The following HEMGN variants were observed in gnomAD, a reference collection of about 807,000 sequenced individuals.
HEMGN encodes the protein hemogen.
A neutral mutation model predicts 45.7 loss-of-function variants in HEMGN; 32 were observed. That is an observed-to-expected ratio of 0.70 (90% CI 0.53 to 0.94). HEMGN has a LOEUF of 0.94. Among genes scored for constraint, HEMGN ranks in the 40% least tolerant of loss-of-function variants. The pLI is 0.00. For missense variants in HEMGN, 530 were observed against 564.2 expected, an observed-to-expected ratio of 0.94 and a Z score of 0.61; for synonymous variants, 183 against 178.6, an observed-to-expected ratio of 1.02 and a Z score of -0.20.
At chr9:97,932,927 GATATTA>G (rs1042987475) in intron 2 of HEMGN, among the ~76,000 whole-genome samples, 11 of 151,732 alleles carry the variant, frequency 7.2e-5, no homozygotes, top group Non-Finnish European at 1.6e-4. Context: ...TTTTGAAAAA[GATATTA>G]ATAGTAATCC....
chr9:97,932,527 C>T (rs1001987709), intron 2 of HEMGN, among the ~76,000 whole-genome samples: 2 of 152,012 alleles, frequency 1.3e-5, no homozygotes, highest in African/African-American at 2.4e-5. Context: ...AAATCTAGGC[C>T]GGGTGCGTTG....
At position 97,927,489 on chromosome 9, in the gene HEMGN, A is replaced by G. The variant is rs761855887; in HGVS notation, c.1361-11T>C. 6.5e-7 allele frequency: 1 copy of G among 1,526,942 alleles called. No individual in the cohort carries two copies. The highest frequency in any genetic ancestry group is 9.1e-7 in the Non-Finnish European group (1 of 1,104,352). The allele number at this position is 1,526,942 out of a possible 1,614,324, so 94.6% of individuals were successfully genotyped here. A position where few individuals can be genotyped will look rare whatever the true frequency, so the allele number is the denominator to read the frequency against. On this transcript the variant is annotated splice_polypyrimidine_tract_variant and intron_variant, in intron 3 of 3. Coordinates refer to ENST00000616898, the MANE Select transcript of HEMGN (RefSeq NM_197978.3). ...GTTTTTCTTTCATTTCTGTAAAATCAAATAAAATAAAAAATAGATTCAATA... is the reference window on the plus strand; with the variant it reads ...GTTTTTCTTTCATTTCTGTAAAATCGAATAAAATAAAAAATAGATTCAATA...
chr9:97,935,637 G>A (rs1462737651), intron 2 of HEMGN, among the ~76,000 whole-genome samples: 2 of 152,150 alleles, frequency 1.3e-5, no homozygotes, highest in South Asian at 2.1e-4. Flanking sequence ...ATTAGATGTC[G>A]CCTAATTTAC....
At chr9:97,931,764 A>C (rs951409346) in intron 2 of HEMGN, among the ~76,000 whole-genome samples, 4 of 152,338 alleles carry the variant, frequency 2.6e-5, no homozygotes, top group East Asian at 3.9e-4. Flanking sequence ...AAGTTGCTAC[A>C]GTATATATCA....
At position 97,931,112 on chromosome 9, in the gene HEMGN, C is replaced by T. The variant is rs1216787228; in HGVS notation, c.283G>A (p.Glu95Lys). 5.0e-6 allele frequency: 8 copies of T among 1,614,132 alleles called. No individual in the cohort carries two copies. Among genetic ancestry groups the T allele is most frequent in the Non-Finnish European group, 6.8e-6 (8 of 1,180,032 alleles). ...GGTGCCAGTGCTTTCTCCACTATTT[C>T]CTTTTCTATCTGTGGCTGAGGCTCC... ...KVEPQPQIEKEIVEKALAPIE... is the reference protein window; with the variant it reads ...KVEPQPQIEKKIVEKALAPIE... Residue 95 changes from glutamate to lysine, a missense_variant, in exon 3 of 4, where the codon GAA becomes AAA. Transcript: ENST00000616898.
chr9:97,939,223 C>G (rs890946813), upstream of HEMGN, among the ~76,000 whole-genome samples: 1 of 152,186 alleles, frequency 6.6e-6, no homozygotes, highest in African/African-American at 2.4e-5. Context: ...ATTTACCTAT[C>G]TATAACATGG....
intron 2 of HEMGN, among the ~76,000 whole-genome samples, chr9:97,935,874 A>G (rs188402264): frequency 8.5e-5 from 13 of 152,324 alleles, no homozygotes; most frequent in Middle Eastern, 6.8e-3. Flanking sequence ...TATATTACCT[A>G]GGAGCTAAAC....
chr9:97,937,804 A>G (rs1272473657), intron 1 of HEMGN, among the ~76,000 whole-genome samples: 1 of 152,182 alleles, frequency 6.6e-6, no homozygotes, highest in Non-Finnish European at 1.5e-5. Flanking sequence ...TCAAAAGAAT[A>G]AGCAGTATTA....
upstream of HEMGN, chr9:97,938,503 A>T (rs1383913255): frequency 2.3e-5 from 4 of 170,362 alleles, no homozygotes; most frequent in Non-Finnish European, 3.7e-5. Flanking sequence ...TTACAGATGG[A>T]GGTAGCCTAG....
At chr9:97,934,727 G>A (rs1587854233) in intron 2 of HEMGN, among the ~76,000 whole-genome samples, 1 of 152,208 alleles carries the variant, frequency 6.6e-6, no homozygotes, top group East Asian at 1.9e-4. Context: ...GGGCAAATAG[G>A]CTTGGGACAA....
chr9:97,938,191 G>C, upstream of HEMGN: 1 of 1,147,908 alleles, frequency 8.7e-7, no homozygotes, highest in South Asian at 1.3e-5. Context: ...CAGCCTAGAT[G>C]CTTTTTTAAA....
upstream of HEMGN, among the ~76,000 whole-genome samples, chr9:97,942,234 A>G (rs1827163235): frequency 6.6e-6 from 1 of 151,486 alleles, no homozygotes; most frequent in African/African-American, 2.4e-5. Context: ...AGTTCGCACC[A>G]GAAGCTGGGC....
upstream of HEMGN, among the ~76,000 whole-genome samples, chr9:97,938,987 T>C (rs1455702335): frequency 6.6e-6 from 1 of 152,066 alleles, no homozygotes; most frequent in Non-Finnish European, 1.5e-5. Flanking sequence ...AAAGGAACCA[T>C]CCTATCTCCA....
At chr9:97,928,058 G>T (rs1041396361) in intron 3 of HEMGN, among the ~76,000 whole-genome samples, 2 of 138,280 alleles carry the variant, frequency 1.4e-5, no homozygotes, top group Admixed American at 1.6e-4. Context: ...CCGGAGTCTC[G>T]CTCTGTCGCC....
chr9:97,927,540 C>T, intron 3 of HEMGN, 62 bp from the exon 4 acceptor site: 1 of 1,124,446 alleles, frequency 8.9e-7, no homozygotes, highest in East Asian at 2.4e-5. Context: ...ATTGACTCTC[C>T]ATTTGGAGGA....
chr9:97,937,009 A>C (rs1200924486), intron 1 of HEMGN, among the ~76,000 whole-genome samples: 2 of 152,166 alleles, frequency 1.3e-5, no homozygotes, highest in African/African-American at 4.8e-5. Flanking sequence ...AGCTTCCTAG[A>C]GCCTGTGAAG....
At chr9:97,938,863 A>C (rs751362346), upstream of HEMGN, among the ~76,000 whole-genome samples, 27 of 152,216 alleles carry the variant, frequency 1.8e-4, no homozygotes, top group Non-Finnish European at 2.9e-4. Context: ...ATCATTCGCA[A>C]GTGACTCAAG....
At chr9:97,942,202 A>C (rs1278838845), upstream of HEMGN, among the ~76,000 whole-genome samples, 2 of 152,068 alleles carry the variant, frequency 1.3e-5, no homozygotes, top group African/African-American at 4.8e-5. Flanking sequence ...TGATATAACT[A>C]AGATCACAGA....
chr9:97,928,653 T>C (rs1047137001), intron 3 of HEMGN, among the ~76,000 whole-genome samples: 1 of 152,214 alleles, frequency 6.6e-6, no homozygotes, highest in Non-Finnish European at 1.5e-5. Context: ...AAATATTTAA[T>C]ATGGTGTCTG....
Sources: allele counts gnomAD v4.1 joint callset (sites outside exome capture counted in the v4.1 genomes callset), GRCh38; gene constraint gnomAD v4.1.1; transcripts MANE v1.5; gene names NCBI Gene and HGNC (gene_info 2026-07-23, HGNC 2026-07-21).